The following FASTKD1 variants were observed in gnomAD, a reference collection of about 807,000 sequenced individuals.
The protein encoded by FASTKD1 is FAST kinase domain-containing protein 1, mitochondrial.
FASTKD1 carries 94 observed loss-of-function variants against 90.9 expected under a neutral mutation model. That is an observed-to-expected ratio of 1.03 (90% CI 0.88 to 1.23). The LOEUF (loss-of-function observed/expected upper bound fraction) is 1.23, where lower values mean the gene tolerates loss of function less well. Ranked by LOEUF, FASTKD1 falls within the 50% of genes most tolerant of loss-of-function variation. FASTKD1 has a pLI of 0.00. For missense variants in FASTKD1, 945 were observed against 993.5 expected, an observed-to-expected ratio of 0.95 and a Z score of 0.66; for synonymous variants, 319 against 345.8, an observed-to-expected ratio of 0.92 and a Z score of 0.86.
intron 9 of FASTKD1, among the ~76,000 whole-genome samples, chr2:169,543,296 T>C (rs1685038154): frequency 6.6e-6 from 1 of 152,100 alleles, no homozygotes; most frequent in African/African-American, 2.4e-5. Flanking sequence ...AAACCCCGTC[T>C]CTACTAAAAA....
At chr2:169,537,170 TC>T in intron 12 of FASTKD1, 56 bp downstream of exon 12, 1 of 1,021,746 alleles carries the variant, frequency 9.8e-7, no homozygotes, top group Non-Finnish European at 1.5e-6. Context: ...ATAAGATGAT[TC>T]TATTCAAATT....
At chr2:169,563,457 AT>A (rs1369906391) in intron 3 of FASTKD1, 107 bp from the exon 4 acceptor site, 15 of 789,440 alleles carry the variant, frequency 1.9e-5, no homozygotes, top group East Asian at 7.3e-5. Context: ...ATTACATAAA[AT>A]TTTTTTTCTA....
At chr2:169,545,985 G>A (rs1428214168) in intron 8 of FASTKD1, among the ~76,000 whole-genome samples, 1 of 152,152 alleles carries the variant, frequency 6.6e-6, no homozygotes, top group Admixed American at 6.6e-5. Context: ...ACAGGCTGGA[G>A]TGCAGTGGTG....
chr2:169,569,078 G>C, intron 3 of FASTKD1, 106 bp downstream of exon 3: 1 of 863,988 alleles, frequency 1.2e-6, no homozygotes, highest in South Asian at 1.6e-5. Flanking sequence ...ATTTTTTTCA[G>C]TGAAGCTTGA....
At chr2:169,534,446 TG>T (rs1684631515) in intron 12 of FASTKD1, among the ~76,000 whole-genome samples, 1 of 148,250 alleles carries the variant, frequency 6.7e-6, no homozygotes, top group Non-Finnish European at 1.5e-5. Flanking sequence ...AATAAATTTC[TG>T]TTGTTTTTTT....
upstream of FASTKD1, chr2:169,572,173 T>G: frequency 1.1e-6 from 1 of 885,978 alleles, no homozygotes; most frequent in Non-Finnish European, 1.6e-6. Flanking sequence ...GTACAGCTTC[T>G]ATAAAAGAAT....
intron 5 of FASTKD1, among the ~76,000 whole-genome samples, chr2:169,557,795 T>A (rs1398772906): frequency 6.6e-6 from 1 of 152,242 alleles, no homozygotes; most frequent in Non-Finnish European, 1.5e-5. Context: ...TGGTCCATTT[T>A]GACTATGATT....
chr2:169,537,258 G>A lies in FASTKD1; in HGVS notation c.2157C>T (p.Ala719=), dbSNP rs1384599263. ...TGTGGTAATAAGGCGTAAGAACCGA[G>A]GCTTTTACACAATTGATTCCTCCTA... is the stretch of plus-strand genomic sequence containing the variant. The part of the protein sequence containing the change: ...EVLGGINCVK[A]SVLTPYYHKV... The change falls in exon 12 of 15, where the codon GCC becomes GCT. Residue 719 remains alanine, a synonymous_variant. Coordinates refer to ENST00000453153, the MANE Select transcript of FASTKD1 (RefSeq NM_024622.6). 3 of 1,612,674 alleles carry A rather than the reference G, an allele frequency of 1.9e-6. No homozygotes were observed. The East Asian group carries it at 6.7e-5, about 36-fold the overall frequency.
In FASTKD1 at chr2:169,569,170, C is replaced by T; in HGVS notation, c.446+14G>A. On this transcript the variant is annotated intron_variant, in intron 3 of 14. Transcript: ENST00000453153. The stretch of plus-strand genomic sequence containing the variant: ...GAATAACCCTGATCTTCAAGATGAA[C>T]CCAGGGTACTTGCCTTTCTAGCCTT... 1 of 1,610,022 alleles carries T rather than the reference C, an allele frequency of 6.2e-7. No individual in the cohort carries two copies. The highest frequency in any genetic ancestry group is 1.3e-5 in the African/African-American group (1 of 74,940).
rs753826166 is a variant in FASTKD1, at chr2:169,546,253, T to C, written c.1666A>G (p.Arg556Gly). The change falls in exon 8 of 15, where the codon AGG (arginine) becomes GGG (glycine). Residue 556 changes from arginine (R) to glycine (G), a missense_variant. Physicochemically the swap from Arg to Gly is moderately radical, Grantham distance 125 (BLOSUM62 -2). Coordinates refer to ENST00000453153, the MANE Select transcript of FASTKD1 (RefSeq NM_024622.6). ...TGCTGAACAGCCACTGAGGCTATCCTATCTAGTAGCAAAGTACTGAGGTAA... is the reference window on the plus strand; with the variant it reads ...TGCTGAACAGCCACTGAGGCTATCCCATCTAGTAGCAAAGTACTGAGGTAA... Reference protein sequence around the residue: ...TDYLSTLLLDRIASVAVQQIE... With the variant: ...TDYLSTLLLDGIASVAVQQIE... The C allele has an allele frequency of 3.1e-6, 5 of 1,604,274 alleles. No individual in the cohort carries two copies. The Admixed American group carries it at 6.8e-5, about 22-fold the overall frequency.
At chr2:169,565,971 G>C (rs115874756) in intron 3 of FASTKD1, among the ~76,000 whole-genome samples, 1 of 152,060 alleles carries the variant, frequency 6.6e-6, no homozygotes, top group Non-Finnish European at 1.5e-5. Context: ...CCATTTGCAC[G>C]GGTCTTTTGA....
chr2:169,554,502 A>C (rs1685654706), intron 7 of FASTKD1, among the ~76,000 whole-genome samples: 1 of 113,432 alleles, frequency 8.8e-6, no homozygotes, highest in Non-Finnish European at 2.2e-5. Context: ...CATCTCTACT[A>C]AAATTACAAA....
At chr2:169,557,897 C>T (rs1332320970) in intron 5 of FASTKD1, among the ~76,000 whole-genome samples, 4 of 152,202 alleles carry the variant, frequency 2.6e-5, no homozygotes, top group Admixed American at 6.5e-5. Flanking sequence ...AAGCTCGAAA[C>T]GTGACATCTG....
intron 3 of FASTKD1, among the ~76,000 whole-genome samples, chr2:169,566,127 A>G (rs1053571727): frequency 6.6e-6 from 1 of 151,774 alleles, no homozygotes; most frequent in African/African-American, 2.4e-5. Context: ...CCTTCTGTGT[A>G]CTCTCGCTTC....
intron 10 of FASTKD1, among the ~76,000 whole-genome samples, chr2:169,538,767 T>G (rs1267822383): frequency 6.6e-6 from 1 of 151,820 alleles, no homozygotes; most frequent in Non-Finnish European, 1.5e-5. Flanking sequence ...CAATGATTCA[T>G]GTATAACAAA....
intron 7 of FASTKD1, among the ~76,000 whole-genome samples, chr2:169,554,501 T>C (rs1427598302): frequency 1.7e-5 from 2 of 114,688 alleles, no homozygotes; most frequent in East Asian, 4.1e-4. Context: ...CCATCTCTAC[T>C]AAAATTACAA....
chr2:169,573,110 G>C (rs1338966497), intron 1 of FASTKD1: 2 of 152,044 alleles, frequency 1.3e-5, no homozygotes, highest in Admixed American at 6.6e-5. Flanking sequence ...CTTTCCACTT[G>C]AACAGCTTCA....
In FASTKD1 at chr2:169,546,231, T is replaced by C. The variant is rs1176998535; in HGVS notation, c.1688A>G (p.Gln563Arg). The change falls in exon 8 of 15, where the codon CAG becomes CGG. Residue 563 changes from glutamine (Q) to arginine (R), a missense_variant. Transcript: ENST00000453153. ...TTTAAATTTCACCTTTTCAATCTGC[T>C]GAACAGCCACTGAGGCTATCCTATC... ...LLDRIASVAVQQIEKIHPFTI... is the reference protein window; with the variant it reads ...LLDRIASVAVRQIEKIHPFTI... 1.3e-5 allele frequency: 21 copies of C among 1,567,700 alleles called. No homozygotes were observed. The highest frequency in any genetic ancestry group is 1.8e-5 in the Non-Finnish European group (21 of 1,156,904).
chr2:169,559,533 T>C (rs1455557969), intron 5 of FASTKD1, among the ~76,000 whole-genome samples: 5 of 152,224 alleles, frequency 3.3e-5, no homozygotes, highest in Non-Finnish European at 7.3e-5. Flanking sequence ...TGGGCTCAGG[T>C]GATCCTCATG....
Sources: gnomAD v4.1 joint callset for allele counts (sites outside exome capture counted in the v4.1 genomes callset) on GRCh38, gnomAD v4.1.1 for gene constraint, MANE v1.5 for transcripts, NCBI Gene and HGNC (gene_info 2026-07-23, HGNC 2026-07-21) for gene names.